The following EYA2 variants were observed in gnomAD, a reference collection of about 807,000 sequenced individuals.
EYA2 encodes the protein EYA transcriptional coactivator and phosphatase 2.
Under a neutral mutation model 69.2 loss-of-function variants are expected in EYA2, and 31 were observed. The ratio of observed to expected loss-of-function variants is 0.45; its 90% CI spans 0.34 to 0.60. The LOEUF (loss-of-function observed/expected upper bound fraction) is 0.60. Ranked by LOEUF, EYA2 falls within the 20% of genes least tolerant of loss-of-function variation. The pLI is 0.02. For missense variants in EYA2, 622 were observed against 701.2 expected (o/e 0.89, Z 1.28); for synonymous variants, 257 against 279.4 (o/e 0.92, Z 0.80).
intron 7 of EYA2, among the ~76,000 whole-genome samples, chr20:47,079,984 T>C (rs887545214): frequency 1.3e-5 from 2 of 152,236 alleles, no homozygotes; most frequent in Non-Finnish European, 2.9e-5. Flanking sequence ...GAAAAGACTG[T>C]ATGTAACAGG....
chr20:47,168,091 T>A (rs1169825049), intron 10 of EYA2, among the ~76,000 whole-genome samples: 1 of 152,202 alleles, frequency 6.6e-6, no homozygotes, highest in African/African-American at 2.4e-5. Flanking sequence ...TGGCCCACCT[T>A]AGACCACATG....
intron 9 of EYA2, among the ~76,000 whole-genome samples, chr20:47,138,141 A>G (rs552955038): frequency 2.0e-5 from 3 of 151,814 alleles, no homozygotes; most frequent in African/African-American, 7.3e-5. Flanking sequence ...AAGTATAATA[A>G]TAATAAACTA....
chr20:46,899,894 T>G (rs1463404837), intron 1 of EYA2, among the ~76,000 whole-genome samples: 3 of 152,204 alleles, frequency 2.0e-5, no homozygotes, highest in Non-Finnish European at 4.4e-5. Flanking sequence ...TTTTGAAAAG[T>G]CTGCCTCTGC....
chr20:46,990,441 G>C (rs1285381512), intron 2 of EYA2, among the ~76,000 whole-genome samples: 3 of 152,174 alleles, frequency 2.0e-5, no homozygotes, highest in East Asian at 3.8e-4. Flanking sequence ...GTGTTTTGCA[G>C]TGTCTGTTTC....
At chr20:47,183,207 G>A (rs2034570873) in intron 14 of EYA2, 84 bp from the exon 15 acceptor site, 3 of 1,268,318 alleles carry the variant, frequency 2.4e-6, no homozygotes, top group Non-Finnish European at 1.1e-6. Context: ...ACAGCTGCAG[G>A]CACCAAGCTC....
intron 8 of EYA2, among the ~76,000 whole-genome samples, chr20:47,091,534 T>C (rs1027042081): frequency 1.8e-4 from 26 of 146,224 alleles, no homozygotes; most frequent in Non-Finnish European, 5.9e-5. Flanking sequence ...AGTCCAGTAA[T>C]TTGAAACCAG....
intron 10 of EYA2, among the ~76,000 whole-genome samples, chr20:47,159,323 C>T (rs560973677): frequency 4.3e-4 from 65 of 152,038 alleles, no homozygotes; most frequent in Middle Eastern, 6.8e-3. Context: ...CCCAGGAACC[C>T]GGTGTCATCA....
At chr20:46,927,987 C>A (rs968692557) in intron 1 of EYA2, among the ~76,000 whole-genome samples, 1 of 152,192 alleles carries the variant, frequency 6.6e-6, no homozygotes, top group African/African-American at 2.4e-5. Context: ...ACAGATAATA[C>A]TCATGTAGCA....
chr20:47,085,570 G>A (rs937046904), intron 7 of EYA2, among the ~76,000 whole-genome samples: 5 of 151,654 alleles, frequency 3.3e-5, no homozygotes, highest in Non-Finnish European at 4.4e-5. Context: ...CGCTTGAACC[G>A]GGGAGGCGGA....
chr20:47,137,040 C>A (rs545205794), intron 9 of EYA2, among the ~76,000 whole-genome samples: 2 of 152,190 alleles, frequency 1.3e-5, no homozygotes, highest in African/African-American at 2.4e-5. Context: ...TCCACCCCCA[C>A]CCCTTAGCCC....
chr20:46,993,400 A>G (rs976068868), intron 2 of EYA2, among the ~76,000 whole-genome samples: 2 of 152,180 alleles, frequency 1.3e-5, no homozygotes, highest in African/African-American at 2.4e-5. Flanking sequence ...ACTGAGAAGC[A>G]TGATTCTGCC....
intron 1 of EYA2, among the ~76,000 whole-genome samples, chr20:46,988,160 A>G (rs918778395): frequency 4.7e-4 from 57 of 121,282 alleles, no homozygotes; most frequent in African/African-American, 1.7e-3. Context: ...ATACTCTACC[A>G]TTTTTTATAA....
At chr20:47,014,705 T>C (rs1442405517) in intron 4 of EYA2, among the ~76,000 whole-genome samples, 1 of 152,044 alleles carries the variant, frequency 6.6e-6, no homozygotes, top group Admixed American at 6.5e-5. Flanking sequence ...AATACATATG[T>C]ATATGCATAT....
At chr20:47,040,092 C>T (rs1292752462) in intron 5 of EYA2, among the ~76,000 whole-genome samples, 3 of 152,006 alleles carry the variant, frequency 2.0e-5, no homozygotes, top group Admixed American at 6.6e-5. Flanking sequence ...CCACCCACCT[C>T]GGCCACCCAA....
intron 1 of EYA2, among the ~76,000 whole-genome samples, chr20:46,987,916 GTCTCTCTCTCTCTCTCTCTCTC>G (rs1555809755): frequency 4.4e-4 from 9 of 20,376 alleles, no homozygotes; most frequent in African/African-American, 1.5e-3. Context: ...GACAGAGTAA[GTCTCTCTCTCTCTCTCTCTCTC>G]TCTCTCTCTC....
At chr20:46,952,263 A>G (rs2146276414) in intron 1 of EYA2, among the ~76,000 whole-genome samples, 1 of 151,712 alleles carries the variant, frequency 6.6e-6, no homozygotes, top group East Asian at 2.0e-4. Context: ...TTGGTGGGGG[A>G]TGGGGCTTGA....
At chr20:46,993,590 C>T (rs1220768293) in intron 2 of EYA2, among the ~76,000 whole-genome samples, 1 of 152,224 alleles carries the variant, frequency 6.6e-6, no homozygotes, top group Non-Finnish European at 1.5e-5. Flanking sequence ...ATGTGCTTGG[C>T]ATGGTTTTAA....
chr20:47,179,960 G>T, intron 13 of EYA2, 48 bp downstream of exon 13: 1 of 1,348,890 alleles, frequency 7.4e-7, no homozygotes, highest in Non-Finnish European at 1.1e-6. Flanking sequence ...CTTTCTCGCA[G>T]TAGACAGTGG....
At chr20:46,957,795 T>C (rs1356186692) in intron 1 of EYA2, among the ~76,000 whole-genome samples, 3 of 152,136 alleles carry the variant, frequency 2.0e-5, no homozygotes, top group African/African-American at 7.2e-5. Context: ...AGGATAAATT[T>C]CTGTTGTAAG....
Sources: allele counts gnomAD v4.1 joint callset (sites outside exome capture counted in the v4.1 genomes callset), GRCh38; gene constraint gnomAD v4.1.1; transcripts MANE v1.5; gene names NCBI Gene and HGNC (gene_info 2026-07-23, HGNC 2026-07-21).